Variants in CPZ observed in about 807,000 individuals in gnomAD.
CPZ encodes the protein carboxypeptidase Z, also known as VEZT/CPZ fusion.
Under a neutral mutation model 61.8 loss-of-function variants are expected in CPZ, and 103 were observed. The ratio of observed to expected loss-of-function variants is 1.67; its 90% confidence interval spans 1.42 to 1.96. The LOEUF is 1.96. Among genes scored for constraint, CPZ ranks in the 30% most tolerant of loss-of-function variants. The pLI is 0.00. For synonymous variants in CPZ, 551 were observed against 373.7 expected (o/e 1.47, Z -5.47); for missense variants, 1,461 against 914.9 (o/e 1.60, Z -7.70).
At chr4:8,599,053 C>T (rs1714381591) in intron 1 of CPZ, among the ~76,000 whole-genome samples, 1 of 152,212 alleles carries the variant, frequency 6.6e-6, no homozygotes, top group Admixed American at 6.5e-5. Context: ...TCTGAGGACT[C>T]AGCGGCTTAC....
chr4:8,605,322 T>C lies in CPZ; in HGVS notation c.710-667T>C, dbSNP rs79214826. On this transcript the variant is annotated intron_variant, in intron 4 of 10. Coordinates refer to ENST00000360986, the MANE Select transcript of CPZ (RefSeq NM_001014447.3). ...TTCTTCCTATAGTCCATTCATTTAT[T>C]CATCCATCCATCCATCCATCCATCC... Among the ~76,000 whole-genome samples, 441 of 150,096 alleles carry C rather than the reference T, an allele frequency of 2.9e-3. 9 individuals are homozygous for C. The East Asian group carries it at 0.053, about 18-fold the overall frequency.
chr4:8,610,858 C>T (rs912467740), intron 7 of CPZ, among the ~76,000 whole-genome samples: 1 of 152,158 alleles, frequency 6.6e-6, no homozygotes, highest in Non-Finnish European at 1.5e-5. Flanking sequence ...ATGGCACAGC[C>T]TCACTTCTGA....
chr4:8,611,015 TTCACTCATTCCC>T (rs1388042274), intron 7 of CPZ: 3 of 292,132 alleles, frequency 1.0e-5, no homozygotes, highest in Admixed American at 7.2e-5. Flanking sequence ...CACTCACTCA[TTCACTCATTCCC>T]TCACTCTTTC....
Position 8,607,301 on chromosome 4 carries a change from T to C in CPZ, c.1103T>C (p.Met368Thr), listed in dbSNP as rs766662888. Residue 368 changes from methionine to threonine, a missense_variant, in exon 7 of 11, where the codon ATG (methionine) becomes ACG (threonine). Transcript: ENST00000360986. ...GAGACAAAGGCAATCATGAAGTGGA[T>C]GCAGACCATACCCTTTGTGCTCTCA... ...APETKAIMKWMQTIPFVLSAS... is the reference protein window; with the variant it reads ...APETKAIMKWTQTIPFVLSAS... The C allele has an allele frequency of 3.1e-6, 5 of 1,614,090 alleles. No individual in the cohort carries two copies. The highest frequency in any genetic ancestry group is 1.7e-5 in the Admixed American group (1 of 60,016).
rs147626563 is a variant in CPZ at position 8,619,039 on chromosome 4, G to A, written c.1604-223G>A. Among the ~76,000 whole-genome samples the A allele has an allele frequency of 1.2e-3, 187 of 152,198 alleles. 2 individuals are homozygous for A. The Middle Eastern group carries it at 0.058, about 47-fold the overall frequency. On this transcript the variant is annotated intron_variant, in intron 10 of 10. Coordinates refer to ENST00000360986, the MANE Select transcript of CPZ (RefSeq NM_001014447.3). Reference sequence around the variant, plus strand: ...GGTATGGGGGGTGGGAGTGGTCATCGAAGGTTTCAGAGAAGAGGGGTGCCT... The same window carrying A: ...GGTATGGGGGGTGGGAGTGGTCATCAAAGGTTTCAGAGAAGAGGGGTGCCT...
intron 9 of CPZ, among the ~76,000 whole-genome samples, chr4:8,616,667 T>C (rs1018477336): frequency 3.9e-5 from 6 of 152,088 alleles, no homozygotes; most frequent in Non-Finnish European, 8.8e-5. Flanking sequence ...AGATGCTGTC[T>C]GGGGGTGAGG....
chr4:8,609,184 G>GCTCCCTCATTCACTTACT (rs1577120139), intron 7 of CPZ, among the ~76,000 whole-genome samples: 28 of 109,404 alleles, frequency 2.6e-4, no homozygotes, highest in Non-Finnish European at 3.8e-4. Flanking sequence ...ATTCACTCAG[G>GCTCCCTCATTCACTTACT]CATTCACTCA....
intron 7 of CPZ, 115 bp from the exon 8 acceptor site, chr4:8,611,912 C>T (rs919896813): frequency 7.0e-7 from 1 of 1,428,142 alleles, no homozygotes; most frequent in East Asian, 2.4e-5. Context: ...CACCATTCCC[C>T]TCTCCTATCT....
At chr4:8,618,571 A>C (rs747906317) in intron 10 of CPZ, 43 bp downstream of exon 10, 2 of 1,584,246 alleles carry the variant, frequency 1.3e-6, no homozygotes, top group Non-Finnish European at 1.7e-6. Flanking sequence ...ACGTCTGCCA[A>C]GGAAATGCCA....
At chr4:8,594,927 C>T (rs980775186) in intron 1 of CPZ, among the ~76,000 whole-genome samples, 3 of 152,136 alleles carry the variant, frequency 2.0e-5, no homozygotes, top group South Asian at 2.1e-4. Flanking sequence ...CATCTGCCAC[C>T]GCGCCCAACT....
intron 7 of CPZ, among the ~76,000 whole-genome samples, chr4:8,610,243 A>C (rs1465627823): frequency 1.3e-5 from 2 of 152,084 alleles, no homozygotes; most frequent in African/African-American, 2.4e-5. Flanking sequence ...TTCCTTGCCC[A>C]TGTGCGCCCA....
At chr4:8,593,243 G>C (rs940241125) in intron 1 of CPZ, among the ~76,000 whole-genome samples, 5 of 152,198 alleles carry the variant, frequency 3.3e-5, no homozygotes, top group Non-Finnish European at 5.9e-5. Context: ...GGGTTCGAGG[G>C]AGCAGGTGCC....
chr4:8,609,682 G>GCCTCAGAAGCACTGGCCCAGTGTC (rs1715485541), intron 7 of CPZ, among the ~76,000 whole-genome samples: 1 of 152,128 alleles, frequency 6.6e-6, no homozygotes, highest in African/African-American at 2.4e-5. Context: ...GGCCCAGTGT[G>GCCTCAGAAGCACTGGCCCAGTGTC]TCTCAGCCTC....
chr4:8,615,169 G>T (rs1452919843), intron 9 of CPZ, among the ~76,000 whole-genome samples: 3 of 152,092 alleles, frequency 2.0e-5, no homozygotes, highest in African/African-American at 4.8e-5. Context: ...GACTACTATC[G>T]TGAGGCTGAG....
intron 1 of CPZ, among the ~76,000 whole-genome samples, chr4:8,595,682 A>G (rs1439311091): frequency 6.6e-6 from 1 of 152,222 alleles, no homozygotes; most frequent in Admixed American, 6.5e-5. Context: ...TTGGGGGAAG[A>G]ATTGTGTTTT....
Position 8,604,168 on chromosome 4 carries a change from G to T in CPZ, c.689G>T (p.Arg230Leu). Residue 230 changes from arginine to leucine, a missense_variant, in exon 4 of 11, where the codon CGC (arginine) becomes CTC (leucine). Physicochemically the swap from Arg to Leu is moderately radical, Grantham distance 102 (BLOSUM62 -2). Coordinates refer to ENST00000360986, the MANE Select transcript of CPZ (RefSeq NM_001014447.3). ...RELLVIEFSS[R>L]PGQHELMEPE... is the part of the protein sequence containing the mutation. ...CTGCTGGTCATCGAGTTCTCCAGCC[G>T]CCCCGGCCAGCACGAGCTGAGTGAG... 1.3e-6 allele frequency: 2 copies of T among 1,564,668 alleles called. No homozygotes were observed. The highest frequency in any genetic ancestry group is 1.7e-6 in the Non-Finnish European group (2 of 1,153,512).
At chr4:8,609,182 A>ACTCC (rs1560298095) in intron 7 of CPZ, among the ~76,000 whole-genome samples, 2 of 100,288 alleles carry the variant, frequency 2.0e-5, no homozygotes, top group African/African-American at 6.3e-5. Flanking sequence ...CCATTCACTC[A>ACTCC]GGCATTCACT....
At chr4:8,611,643 C>T (rs1715705059) in intron 7 of CPZ, among the ~76,000 whole-genome samples, 2 of 152,164 alleles carry the variant, frequency 1.3e-5, no homozygotes, top group South Asian at 4.1e-4. Context: ...CCACCCTTGC[C>T]TTCACTGCTC....
intron 1 of CPZ, among the ~76,000 whole-genome samples, chr4:8,598,553 C>T (rs1379884949): frequency 2.6e-5 from 4 of 152,236 alleles, no homozygotes; most frequent in Non-Finnish European, 4.4e-5. Context: ...CTGTGGGTCA[C>T]GTCCCCTTCT....
Sources: gnomAD v4.1 joint callset for allele counts (sites outside exome capture counted in the v4.1 genomes callset) on GRCh38, gnomAD v4.1.1 for gene constraint, MANE v1.5 for transcripts, NCBI Gene and HGNC (gene_info 2026-07-23, HGNC 2026-07-21) for gene names.